The following SRGAP3 variants were observed in gnomAD, a reference collection of about 807,000 sequenced individuals.
The protein encoded by SRGAP3 is SLIT-ROBO Rho GTPase-activating protein 3.
SRGAP3 carries 39 observed loss-of-function variants against 121.1 expected under a neutral mutation model. That is an observed-to-expected ratio of 0.32 (90% CI 0.25 to 0.42). The LOEUF (loss-of-function observed/expected upper bound fraction) is 0.42. Among genes scored for constraint, SRGAP3 ranks in the 10% least tolerant of loss-of-function variants. The probability of loss-of-function intolerance (pLI) is 1.00; values close to 1 mark genes in which losing one functional copy is unlikely to be tolerated. For synonymous variants in SRGAP3, 601 were observed against 570.0 expected, an observed-to-expected ratio of 1.05 and a Z score of -0.77; for missense variants, 1,213 against 1,470.6, an observed-to-expected ratio of 0.82 and a Z score of 2.86.
At chr3:9,354,911 G>C (rs1009868941) in intron 1 of SRGAP3, among the ~76,000 whole-genome samples, 2 of 152,124 alleles carry the variant, frequency 1.3e-5, no homozygotes, top group African/African-American at 4.8e-5. Flanking sequence ...AATGTTACCT[G>C]TCTCAAACTG....
At chr3:9,280,601 A>C (rs1954658006) in intron 3 of SRGAP3, among the ~76,000 whole-genome samples, 1 of 152,206 alleles carries the variant, frequency 6.6e-6, no homozygotes, top group Admixed American at 6.5e-5. Context: ...AGGAGGCAGT[A>C]ACGGTGGGTC....
chr3:9,237,318 T>C (rs1388843036), intron 1 of SRGAP3, among the ~76,000 whole-genome samples: 1 of 152,182 alleles, frequency 6.6e-6, no homozygotes, highest in Admixed American at 6.5e-5. Flanking sequence ...GGGATGCTAC[T>C]GGCATCTAGT....
intron 3 of SRGAP3, among the ~76,000 whole-genome samples, chr3:9,314,072 G>T (rs1241323931): frequency 6.6e-6 from 1 of 152,256 alleles, no homozygotes; most frequent in Non-Finnish European, 1.5e-5. Context: ...CTTCAGGGCA[G>T]AACTTTTGTC....
Position 9,172,984 on chromosome 3 carries a change from G to C in SRGAP3, c.68-48067C>G, listed in dbSNP as rs572376972. Among the ~76,000 whole-genome samples the C allele has an allele frequency of 1.4e-4, 21 of 152,346 alleles. No individual in the cohort carries two copies. In the East Asian group the frequency reaches 3.1e-3, roughly 22 times the overall value. ...AACAGAAACAGTCATGTGAGAGGAAGCTGGGAAGCTACCAAGGCAAACAGG... is the reference window on the plus strand; with the variant it reads ...AACAGAAACAGTCATGTGAGAGGAACCTGGGAAGCTACCAAGGCAAACAGG... On this transcript the variant is annotated intron_variant, in intron 1 of 21. Transcript: ENST00000383836.
intron 14 of SRGAP3, among the ~76,000 whole-genome samples, chr3:9,023,126 G>T (rs1310369453): frequency 2.0e-5 from 3 of 152,170 alleles, no homozygotes; most frequent in Non-Finnish European, 4.4e-5. Context: ...AGGCAAAGTG[G>T]TTGCCAGGCT....
chr3:9,348,928 G>A, intron 1 of SRGAP3: 2 of 988,592 alleles, frequency 2.0e-6, no homozygotes, highest in Non-Finnish European at 3.3e-6. Context: ...CCAAGGCTCT[G>A]CCCTTTTGGA....
At chr3:9,033,583 C>T (rs1362146785) in intron 11 of SRGAP3, 1 of 152,168 alleles carries the variant, frequency 6.6e-6, no homozygotes, top group Non-Finnish European at 1.5e-5. Context: ...ACCACGACAC[C>T]CAGCTAATTT....
intron 14 of SRGAP3, among the ~76,000 whole-genome samples, chr3:9,018,105 ATCT>A (rs1358395388): frequency 6.6e-5 from 10 of 152,148 alleles, no homozygotes; most frequent in Admixed American, 1.3e-4. Context: ...ACATTCAGAA[ATCT>A]TCTTTCTGAG....
At chr3:9,281,546 T>C (rs1954679181) in intron 3 of SRGAP3, among the ~76,000 whole-genome samples, 1 of 95,070 alleles carries the variant, frequency 1.1e-5, no homozygotes, top group African/African-American at 4.8e-5. Context: ...CTTACTTTTA[T>C]TATTATTATT....
intron 3 of SRGAP3, among the ~76,000 whole-genome samples, chr3:9,304,969 T>G (rs1955132268): frequency 6.6e-6 from 1 of 152,232 alleles, no homozygotes; most frequent in African/African-American, 2.4e-5. Context: ...ATACCTCATT[T>G]AATCCTCACA....
rs961264574 is a variant in SRGAP3, at chr3:9,060,300, C to T, written c.732G>A (p.Leu244=). The T allele has an allele frequency of 1.2e-6, 2 of 1,614,034 alleles. No homozygotes were observed. Among genetic ancestry groups the T allele is most frequent in the African/African-American group, 2.7e-5 (2 of 74,910 alleles). ...CTGCGTTGGTGGCTGCCAGATTGAGCAAGTAGTCATTCCGGGCCTTTGTGC... is the reference window on the plus strand; with the variant it reads ...CTGCGTTGGTGGCTGCCAGATTGAGTAAGTAGTCATTCCGGGCCTTTGTGC... ...LKCTKARNDY[L]LNLAATNAAI... Residue 244 remains leucine (L), a synonymous_variant, in exon 6 of 22, where the codon TTG becomes TTA. Transcript: ENST00000383836.
rs1344616296 is a variant in SRGAP3 at position 9,218,909 on chromosome 3, G to T, written c.67+29976C>A. On this transcript the variant is annotated intron_variant, in intron 1 of 21. Coordinates refer to ENST00000383836, the MANE Select transcript of SRGAP3 (RefSeq NM_014850.4). The surrounding 1 kb of genome is among the most constrained non-coding windows in gnomAD (Gnocchi z 5.3). ...GCTGGTCTCAAACTCCTGACCTCAG[G>T]TGATCCACCCACCTCGGCCTCCCAA... is the stretch of plus-strand genomic sequence containing the variant. Among the ~76,000 whole-genome samples the T allele has an allele frequency of 6.6e-6, 1 of 152,194 alleles. No individual in the cohort carries two copies. Among genetic ancestry groups the T allele is most frequent in the Non-Finnish European group, 1.5e-5 (1 of 68,038 alleles).
At chr3:9,325,033 CCACTCT>C in intron 3 of SRGAP3, among the ~76,000 whole-genome samples, 1 of 151,890 alleles carries the variant, frequency 6.6e-6, no homozygotes, top group South Asian at 2.1e-4. Context: ...GGCCTTAGCA[CCACTCT>C]CAGTTACCGT....
At position 9,037,877 on chromosome 3, in the gene SRGAP3, G is replaced by C. The variant is rs1252448944; in HGVS notation, c.1436+186C>G. 8 of 756,464 alleles carry C rather than the reference G, an allele frequency of 1.1e-5. No individual in the cohort carries two copies. In the Admixed American group the frequency reaches 1.5e-4, roughly 14 times the overall value. 46.9% of individuals were successfully genotyped at this position (756,464 alleles called of 1,614,324 possible). ...CGCCAGCCTGGAGGGGCGTGGCTTTGTCAGTCTAATGCTAGAACAAGCAAA... is the reference window on the plus strand; with the variant it reads ...CGCCAGCCTGGAGGGGCGTGGCTTTCTCAGTCTAATGCTAGAACAAGCAAA... On this transcript the variant is annotated intron_variant, in intron 11 of 21. Coordinates refer to ENST00000383836, the MANE Select transcript of SRGAP3 (RefSeq NM_014850.4).
At chr3:9,043,468 G>C (rs73811407) in intron 10 of SRGAP3, among the ~76,000 whole-genome samples, 2,362 of 152,226 alleles carry the variant, frequency 0.016, 47 homozygotes, top group African/African-American at 0.053. Context: ...GAACAGAAGG[G>C]GGCAGGTAGA....
At chr3:9,165,522 T>G (rs955705642) in intron 1 of SRGAP3, among the ~76,000 whole-genome samples, 1 of 152,260 alleles carries the variant, frequency 6.6e-6, no homozygotes, top group Non-Finnish European at 1.5e-5. Flanking sequence ...GCAAAGATAC[T>G]GCCTCACAGG....
chr3:9,215,225 T>C (rs1009222446), intron 1 of SRGAP3, among the ~76,000 whole-genome samples: 3 of 152,230 alleles, frequency 2.0e-5, no homozygotes, highest in African/African-American at 7.2e-5. Context: ...ATTTTACCTT[T>C]TTCCACCCAA....
chr3:9,287,780 A>T (rs1446183637), intron 3 of SRGAP3, among the ~76,000 whole-genome samples: 1 of 152,190 alleles, frequency 6.6e-6, no homozygotes, highest in Non-Finnish European at 1.5e-5. Context: ...TTTAAGACTC[A>T]TTAGTGGTTT....
chr3:9,219,886 A>G (rs1259245725), intron 1 of SRGAP3, among the ~76,000 whole-genome samples: 2 of 152,170 alleles, frequency 1.3e-5, no homozygotes, highest in African/African-American at 4.8e-5. Flanking sequence ...TTGCAGCAAC[A>G]TGGATGGAAC....
Sources: allele counts gnomAD v4.1 joint callset (sites outside exome capture counted in the v4.1 genomes callset), GRCh38; gene constraint gnomAD v4.1.1; non-coding constraint Gnocchi (gnomAD v3.1); transcripts MANE v1.5; gene names NCBI Gene and HGNC (gene_info 2026-07-23, HGNC 2026-07-21).